The following KIAA0319L variants were observed in gnomAD, a reference collection of about 807,000 sequenced individuals.
KIAA0319L encodes dyslexia-associated protein KIAA0319-like protein.
KIAA0319L carries 55 observed loss-of-function variants against 120.1 expected under a neutral mutation model. The ratio of observed to expected loss-of-function variants is 0.46; its 90% CI spans 0.37 to 0.57. KIAA0319L has a LOEUF of 0.57. KIAA0319L is among the 20% of genes least tolerant of loss of function. KIAA0319L has a pLI of 0.00. For synonymous variants in KIAA0319L, 398 were observed against 471.9 expected, an observed-to-expected ratio of 0.84 and a Z score of 2.03; for missense variants, 1,049 against 1,255.3, an observed-to-expected ratio of 0.84 and a Z score of 2.48.
At chr1:35,501,741 G>C (rs1379650860) in intron 3 of KIAA0319L, among the ~76,000 whole-genome samples, 1 of 152,148 alleles carries the variant, frequency 6.6e-6, no homozygotes, top group Non-Finnish European at 1.5e-5. Context: ...AGCTGGGCGT[G>C]ATGGCTCATG....
chr1:35,484,843 T>C (rs183292218), intron 3 of KIAA0319L, among the ~76,000 whole-genome samples: 3,210 of 141,416 alleles, frequency 0.023, 51 homozygotes, highest in South Asian at 0.054. Flanking sequence ...TTAGGGTACA[T>C]GTGCACATTG....
rs1364007284 is a variant in KIAA0319L, at chr1:35,506,476, C to G, written c.666+136G>C. 18 of 806,764 alleles carry G rather than the reference C, an allele frequency of 2.2e-5. No individual in the cohort carries two copies. The South Asian group carries it at 2.9e-4, about 13-fold the overall frequency. 50.0% of individuals were successfully genotyped at this position (806,764 alleles called of 1,614,324 possible). On this transcript the variant is annotated intron_variant, in intron 3 of 20. Coordinates refer to ENST00000325722, the MANE Select transcript of KIAA0319L (RefSeq NM_024874.5). This position sits in a 1 kb window ranked among gnomAD's most constrained non-coding sequence, Gnocchi z 4.0. The stretch of plus-strand genomic sequence containing the variant: ...GTACATCTGGGCAGCACCAAAGAAG[C>G]TGACACCAAGCAGCTTTATATATAC...
At chr1:35,460,038 A>T (rs77007266) in intron 9 of KIAA0319L, among the ~76,000 whole-genome samples, 2 of 152,134 alleles carry the variant, frequency 1.3e-5, no homozygotes, top group African/African-American at 2.4e-5. Context: ...CCTAAAAAAA[A>T]TTTTTGGAGA....
chr1:35,473,323 C>A (rs1195072231), intron 5 of KIAA0319L, among the ~76,000 whole-genome samples: 1 of 151,934 alleles, frequency 6.6e-6, no homozygotes. Context: ...GTCTTGAACT[C>A]CTGACCTAAG....
At chr1:35,523,506 G>A (rs1646007184) in intron 2 of KIAA0319L, among the ~76,000 whole-genome samples, 5 of 152,196 alleles carry the variant, frequency 3.3e-5, no homozygotes. Flanking sequence ...TATCAGGTGG[G>A]TCATACTGAA....
intron 20 of KIAA0319L, 179 bp downstream of exon 20, chr1:35,440,868 G>A: frequency 1.6e-6 from 1 of 637,278 alleles, no homozygotes; most frequent in Non-Finnish European, 2.8e-6. Flanking sequence ...GGTCCTGGAG[G>A]CATTTTGTCC....
At chr1:35,500,054 G>A (rs964817208) in intron 3 of KIAA0319L, among the ~76,000 whole-genome samples, 8 of 152,160 alleles carry the variant, frequency 5.3e-5, no homozygotes, top group African/African-American at 1.9e-4. Context: ...AAAGCCACTG[G>A]CTTGCTAAGG....
chr1:35,486,737 C>CA (rs4045085), intron 3 of KIAA0319L, among the ~76,000 whole-genome samples: 980 of 86,900 alleles, frequency 0.011, 6 homozygotes, highest in Non-Finnish European at 0.016. Context: ...CCCATTTCTA[C>CA]AAAAAAAAAA....
In KIAA0319L at chr1:35,502,981, G is replaced by A. The variant is rs952873533; in HGVS notation, c.666+3631C>T. Among the ~76,000 whole-genome samples, 5 of 152,130 alleles carry A rather than the reference G, an allele frequency of 3.3e-5. No individual in the cohort carries two copies. The East Asian group carries it at 9.6e-4, about 29-fold the overall frequency. On this transcript the variant is annotated intron_variant, in intron 3 of 20. Transcript: ENST00000325722. ...ACACAACTTAAAGATCAGTACCACT[G>A]TTATAAATGCATGATCTCCATCTTC...
intron 3 of KIAA0319L, among the ~76,000 whole-genome samples, chr1:35,496,158 G>A (rs1644799224): frequency 1.3e-5 from 2 of 152,184 alleles, no homozygotes; most frequent in Admixed American, 6.5e-5. Flanking sequence ...GGTGGCTCAC[G>A]CCTGTAATCC....
chr1:35,479,495 A>G (rs1334547679), intron 3 of KIAA0319L, among the ~76,000 whole-genome samples: 8 of 152,220 alleles, frequency 5.3e-5, no homozygotes, highest in African/African-American at 1.7e-4. Context: ...CCCTGTTAAC[A>G]TTTCTATTCA....
In KIAA0319L at chr1:35,466,619, G is replaced by A. The variant is rs748685550; in HGVS notation, c.1190C>T (p.Thr397Ile). Residue 397 changes from threonine to isoleucine, a missense_variant, in exon 7 of 21, where the codon ACA becomes ATA. Coordinates refer to ENST00000325722, the MANE Select transcript of KIAA0319L (RefSeq NM_024874.5). ...GGCTGAAAACATACCTGGCTTGACT[G>A]TCACGTTCACATAGCCTTCCCCATG... Reference protein sequence around the residue: ...NAHGEGYVNVTVKPEPRKNRP... With the variant: ...NAHGEGYVNVIVKPEPRKNRP... 4.3e-6 allele frequency: 7 copies of A among 1,612,342 alleles called. No individual in the cohort carries two copies. Among genetic ancestry groups the A allele is most frequent in the Non-Finnish European group, 5.9e-6 (7 of 1,178,506 alleles).
chr1:35,463,417 T>G (rs909350540), intron 7 of KIAA0319L, among the ~76,000 whole-genome samples: 1 of 152,182 alleles, frequency 6.6e-6, no homozygotes, highest in Non-Finnish European at 1.5e-5. Flanking sequence ...ATAAAGACCT[T>G]GGCAATCAAA....
chr1:35,458,102 A>AT (rs1347628377), intron 9 of KIAA0319L, among the ~76,000 whole-genome samples: 8 of 151,714 alleles, frequency 5.3e-5, no homozygotes, highest in Admixed American at 2.0e-4. Flanking sequence ...TGCTCAGCTA[A>AT]TTTTTTTGTA....
rs58080321 is a variant in KIAA0319L at position 35,537,615 on chromosome 1, T to TAAA, written c.142+16732_142+16734dup. 1.3e-3 allele frequency among the ~76,000 whole-genome samples: 135 copies of TAAA among 102,890 alleles called. 2 individuals are homozygous for TAAA. The East Asian group carries it at 0.018, about 14-fold the overall frequency. The allele number at this position is 102,890 out of a possible 152,430, so 67.5% of individuals were successfully genotyped here. ...TTTTGGAGCATTATGTAAGCGCCATTAAAAAAAAAAAAAAAAAAAAAACTG... is the reference window on the plus strand; with the variant it reads ...TTTTGGAGCATTATGTAAGCGCCATTAAAAAAAAAAAAAAAAAAAAAAAAACTG... On this transcript the variant is annotated intron_variant, in intron 2 of 20. Transcript: ENST00000325722.
At chr1:35,523,499 C>G (rs527303634) in intron 2 of KIAA0319L, among the ~76,000 whole-genome samples, 1 of 152,274 alleles carries the variant, frequency 6.6e-6, no homozygotes, top group East Asian at 1.9e-4. Context: ...GGCCAGGTAT[C>G]AGGTGGGTCA....
chr1:35,496,810 G>C (rs1644822621), intron 3 of KIAA0319L, among the ~76,000 whole-genome samples: 1 of 152,040 alleles, frequency 6.6e-6, no homozygotes, highest in Non-Finnish European at 1.5e-5. Context: ...AGCTGGGCGT[G>C]GTGGCACATG....
chr1:35,510,237 G>C (rs538691992), intron 2 of KIAA0319L: 4 of 152,214 alleles, frequency 2.6e-5, no homozygotes, highest in African/African-American at 9.6e-5. Context: ...ATCATCATAA[G>C]CTCACACAGG....
At chr1:35,497,602 C>T (rs189163754) in intron 3 of KIAA0319L, among the ~76,000 whole-genome samples, 1 of 152,034 alleles carries the variant, frequency 6.6e-6, no homozygotes, top group Non-Finnish European at 1.5e-5. Context: ...TAAACATGTA[C>T]AGTTTATGAT....
Sources: gnomAD v4.1 joint callset for allele counts (sites outside exome capture counted in the v4.1 genomes callset) on GRCh38, gnomAD v4.1.1 for gene constraint, Gnocchi (gnomAD v3.1) non-coding constraint, MANE v1.5 for transcripts, NCBI Gene and HGNC (gene_info 2026-07-23, HGNC 2026-07-21) for gene names.